Variants in ZNF517 observed in about 807,000 individuals in gnomAD.
ZNF517 encodes the protein zinc finger protein 517.
Under a neutral mutation model 12.1 loss-of-function variants are expected in ZNF517, and 12 were observed. That is an observed-to-expected ratio of 0.99 (90% CI 0.63 to 1.61). The LOEUF is 1.61. Ranked by LOEUF, ZNF517 falls within the 40% of genes most tolerant of loss-of-function variation. The pLI, the probability that ZNF517 is intolerant of heterozygous loss-of-function variation, is 0.00. For synonymous variants in ZNF517, 388 were observed against 310.2 expected (o/e 1.25, Z -2.63); for missense variants, 781 against 693.2 (o/e 1.13, Z -1.42).
chr8:144,800,776 T>C (rs908279797), intron 1 of ZNF517: 26 of 819,666 alleles, frequency 3.2e-5, no homozygotes, highest in South Asian at 2.8e-4. Context: ...TCAAAAGGGC[T>C]CTGCTGCCAA....
chr8:144,812,028 T>G (rs1827572408), downstream of ZNF517, among the ~76,000 whole-genome samples: 1 of 130,670 alleles, frequency 7.7e-6, no homozygotes, highest in Admixed American at 7.5e-5. Context: ...ACACCGACAG[T>G]AAAGCTCAGC....
Position 144,807,628 on chromosome 8 carries a change from T to A in ZNF517, c.712T>A (p.Cys238Ser). 7 of 1,609,820 alleles carry A rather than the reference T, an allele frequency of 4.3e-6. No individual in the cohort carries two copies. Among genetic ancestry groups the A allele is most frequent in the Non-Finnish European group, 5.1e-6 (6 of 1,179,064 alleles). Reference protein sequence around the residue: ...TEEKPFQCGECGKAFRQSTQL... With the variant: ...TEEKPFQCGESGKAFRQSTQL... ...GGAGAAGCCGTTCCAGTGCGGCGAG[T>A]GCGGGAAGGCCTTCCGGCAGAGCAC... is the stretch of plus-strand genomic sequence containing the variant. The change falls in exon 5 of 5, where the codon TGC becomes AGC. Residue 238 changes from cysteine (C) to serine (S), a missense_variant. By Grantham distance (112) the Cys-to-Ser change is moderately radical. Transcript: ENST00000359971.
In ZNF517 at chr8:144,807,692, G is replaced by A; in HGVS notation, c.776G>A (p.Arg259Gln). 1.2e-6 allele frequency: 2 copies of A among 1,610,266 alleles called. No individual in the cohort carries two copies. Among genetic ancestry groups the A allele is most frequent in the Non-Finnish European group, 1.7e-6 (2 of 1,179,164 alleles). The change falls in exon 5 of 5, where the codon CGG (arginine) becomes CAG (glutamine). Residue 259 changes from arginine to glutamine, a missense_variant. By Grantham distance (43) the Arg-to-Gln change is conservative. Transcript: ENST00000359971. Reference sequence around the variant, plus strand: ...CACCACCGCGTCCACACCCGCGAGCGGCCCTACGCATGCGGCGAGTGCGGC... The same window carrying A: ...CACCACCGCGTCCACACCCGCGAGCAGCCCTACGCATGCGGCGAGTGCGGC... ...AAHHRVHTRE[R>Q]PYACGECGKA...
chr8:144,808,486 G>A lies in ZNF517; in HGVS notation c.*91G>A. The A allele has an allele frequency of 7.2e-7, 1 of 1,383,554 alleles. No homozygotes were observed. The highest frequency in any genetic ancestry group is 2.9e-5 in the East Asian group (1 of 34,960). The allele number at this position is 1,383,554 out of a possible 1,614,324, so 85.7% of individuals were successfully genotyped here. On this transcript the variant is annotated 3_prime_UTR_variant, in exon 5 of 5. Transcript: ENST00000359971. Reference sequence around the variant, plus strand: ...GAAATTCAGAACCCCCTGTCCTGAAGGTGAAGCAAAGTCTAAAGAAAGGGC... The same window carrying A: ...GAAATTCAGAACCCCCTGTCCTGAAAGTGAAGCAAAGTCTAAAGAAAGGGC...
At position 144,808,944 on chromosome 8, in the gene ZNF517, C is replaced by A. The variant is rs1052368856; in HGVS notation, c.*549C>A. The A allele has an allele frequency of 6.6e-6, 1 of 152,204 alleles. No homozygotes were observed. The highest frequency in any genetic ancestry group is 1.5e-5 in the Non-Finnish European group (1 of 68,154). 9.4% of individuals were successfully genotyped at this position (152,204 alleles called of 1,614,324 possible). On this transcript the variant is annotated 3_prime_UTR_variant, in exon 5 of 5. Transcript: ENST00000359971. ...TTTGCTTAAGCCCAGGAGTTTGAGACCAGCTTGGGCAACATGGTGAAACTT... is the reference window on the plus strand; with the variant it reads ...TTTGCTTAAGCCCAGGAGTTTGAGAACAGCTTGGGCAACATGGTGAAACTT...
chr8:144,803,492 G>T, intron 2 of ZNF517, 149 bp from the exon 3 acceptor site: 2 of 1,028,548 alleles, frequency 1.9e-6, no homozygotes, highest in Non-Finnish European at 2.9e-6. Context: ...CACTCGGGGG[G>T]TGTTGGGCTG....
At chr8:144,806,752 TGAGATTAGA>T (rs1827241352) in intron 4 of ZNF517, among the ~76,000 whole-genome samples, 1 of 152,128 alleles carries the variant, frequency 6.6e-6, no homozygotes, top group Non-Finnish European at 1.5e-5. Context: ...CCCAAAGTGC[TGAGATTAGA>T]GGCGTGAGCC....
At chr8:144,802,370 C>T (rs1028634715) in intron 1 of ZNF517, among the ~76,000 whole-genome samples, 24 of 152,188 alleles carry the variant, frequency 1.6e-4, no homozygotes, top group African/African-American at 4.8e-4. Flanking sequence ...AGCGAAACCC[C>T]GTCTCAAACA....
intron 1 of ZNF517, among the ~76,000 whole-genome samples, chr8:144,799,793 A>G (rs890984891): frequency 1.6e-4 from 24 of 151,980 alleles, no homozygotes; most frequent in Non-Finnish European, 2.9e-4. Flanking sequence ...ACAAAAAATT[A>G]GCCGGGCGTG....
Position 144,802,868 on chromosome 8 carries a change from A to G in ZNF517, c.-45-2A>G. ...TCCACTCATGGCTCTATGTTCCCTCAGAATTCACTGTCTGTAGCATCTGCT... is the reference window on the plus strand; with the variant it reads ...TCCACTCATGGCTCTATGTTCCCTCGGAATTCACTGTCTGTAGCATCTGCT... On this transcript the variant is annotated splice_acceptor_variant, in intron 1 of 4. Coordinates refer to ENST00000359971, the MANE Select transcript of ZNF517 (RefSeq NM_213605.3). LOFTEE classifies it low-confidence loss of function (5UTR_SPLICE). The G allele has an allele frequency of 6.2e-7, 1 of 1,613,654 alleles. No homozygotes were observed. The highest frequency in any genetic ancestry group is 8.5e-7 in the Non-Finnish European group (1 of 1,179,868).
chr8:144,803,963 G>A, intron 3 of ZNF517, 162 bp from the exon 4 acceptor site: 1 of 1,079,232 alleles, frequency 9.3e-7, no homozygotes, highest in Non-Finnish European at 1.3e-6. Flanking sequence ...TCCTGGGGCA[G>A]GCCCCCCATC....
chr8:144,807,986 C>A lies in ZNF517; in HGVS notation c.1070C>A (p.Ala357Asp). Residue 357 changes from alanine (A) to aspartate (D), a missense_variant, in exon 5 of 5, where the codon GCT becomes GAT. Transcript: ENST00000359971. Reference protein sequence around the residue: ...GGVGQGALLGAAQRPQAGDPP... With the variant: ...GGVGQGALLGDAQRPQAGDPP... ...GTGGGGCAGGGCGCCCTGCTCGGAG[C>A]TGCGCAGAGGCCCCAGGCGGGGGAC... 1 of 1,537,372 alleles carries A rather than the reference C, an allele frequency of 6.5e-7. No individual in the cohort carries two copies. The highest frequency in any genetic ancestry group is 8.8e-7 in the Non-Finnish European group (1 of 1,141,324).
At chr8:144,802,681 C>T (rs1827025542) in intron 1 of ZNF517, 189 bp from the exon 2 acceptor site, 3 of 884,396 alleles carry the variant, frequency 3.4e-6, no homozygotes, top group Non-Finnish European at 4.1e-6. Context: ...AGCCAGAAAA[C>T]ATTGGAAGGA....
intron 1 of ZNF517, among the ~76,000 whole-genome samples, chr8:144,799,796 C>G (rs2954662): frequency 0.05 from 7,484 of 150,474 alleles, 342 homozygotes; most frequent in African/African-American, 0.12. Flanking sequence ...AAAAATTAGC[C>G]GGGCGTGGTG....
At position 144,807,327 on chromosome 8, in the gene ZNF517, G is replaced by A. The variant is rs764649958; in HGVS notation, c.411G>A (p.Pro137=). 5 of 1,551,630 alleles carry A rather than the reference G, an allele frequency of 3.2e-6. No homozygotes were observed. The highest frequency in any genetic ancestry group is 1.9e-5 in the Admixed American group (1 of 51,614). The change falls in exon 5 of 5, where the codon CCG becomes CCA. Residue 137 remains proline, a synonymous_variant. Transcript: ENST00000359971. ...GGGGGCACCCTGCACCACCCCACCCGCATGGCGGTCCTGAGGACGGGTCAG... is the reference window on the plus strand; with the variant it reads ...GGGGGCACCCTGCACCACCCCACCCACATGGCGGTCCTGAGGACGGGTCAG... ...PVGGHPAPPH[P]HGGPEDGSDK... is the part of the protein sequence containing the mutation.
At chr8:144,811,677 A>C (rs1334920356), downstream of ZNF517, among the ~76,000 whole-genome samples, 1 of 137,038 alleles carries the variant, frequency 7.3e-6, no homozygotes. Context: ...AGACACCGAC[A>C]GTAAAGCTCA....
chr8:144,803,389 G>T, intron 2 of ZNF517: 1 of 532,884 alleles, frequency 1.9e-6, no homozygotes, highest in Non-Finnish European at 3.3e-6. Flanking sequence ...CGAGGCCAAG[G>T]TTGGGACCCC....
Position 144,803,633 on chromosome 8 carries a change from G to T in ZNF517, c.34-8G>T. 1 of 1,613,984 alleles carries T rather than the reference G, an allele frequency of 6.2e-7. No individual in the cohort carries two copies. Among genetic ancestry groups the T allele is most frequent in the South Asian group, 1.1e-5 (1 of 91,076 alleles). On this transcript the variant is annotated splice_region_variant and splice_polypyrimidine_tract_variant and intron_variant, in intron 2 of 4. Transcript: ENST00000359971. Reference sequence around the variant, plus strand: ...TGACTGCCTGGATAGCAGAGTATGTGGTTGCAGGAGGCGGTTGTGTTCGAG... The same window carrying T: ...TGACTGCCTGGATAGCAGAGTATGTTGTTGCAGGAGGCGGTTGTGTTCGAG...
At chr8:144,811,620 C>A (rs1174770293), downstream of ZNF517, among the ~76,000 whole-genome samples, 1 of 130,088 alleles carries the variant, frequency 7.7e-6, no homozygotes, top group Non-Finnish European at 1.6e-5. Context: ...AAAGCTCAGC[C>A]AGGTGCAGAC....
Sources: allele counts gnomAD v4.1 joint callset (sites outside exome capture counted in the v4.1 genomes callset), GRCh38; gene constraint gnomAD v4.1.1; transcripts MANE v1.5; gene names NCBI Gene and HGNC (gene_info 2026-07-23, HGNC 2026-07-21).